ANKMY1: variants seen among roughly 807,000 people sequenced by gnomAD.
ANKMY1 encodes the protein ankyrin repeat and MYND domain-containing protein 1.
In ANKMY1, 98 loss-of-function variants were observed where a neutral mutation model predicts 102.0. The observed-to-expected ratio is 0.96, with a 90% CI of 0.82 to 1.14. ANKMY1 has a LOEUF of 1.14. ANKMY1 is among the 50% of genes most tolerant of loss of function. The probability of loss-of-function intolerance (pLI) is 0.00; values close to 1 mark genes in which losing one functional copy is unlikely to be tolerated. For synonymous variants in ANKMY1, 582 were observed against 559.9 expected, an observed-to-expected ratio of 1.04 and a Z score of -0.56; for missense variants, 1,330 against 1,347.6, an observed-to-expected ratio of 0.99 and a Z score of 0.20.
chr2:240,534,802 G>C (rs1426368508), intron 4 of ANKMY1, among the ~76,000 whole-genome samples: 1 of 151,754 alleles, frequency 6.6e-6, no homozygotes, highest in Admixed American at 6.6e-5. Flanking sequence ...GTCAAAAAAA[G>C]CATATCGGAT....
At position 240,524,329 on chromosome 2, in the gene ANKMY1, G is replaced by A; in HGVS notation, c.1388C>T (p.Thr463Ile). ...VPILSSSFMD[T>I]NLESLYYEVN... is the part of the protein sequence containing the mutation. ...CTCATAGTACAGAGACTCCAGGTTT[G>A]TGTCCATAAATGATGATGAAAGGAT... Residue 463 changes from threonine to isoleucine, a missense_variant, in exon 8 of 18, where the codon ACA (threonine) becomes ATA (isoleucine). Thr to Ile is a moderately conservative substitution (Grantham distance 89). Transcript: ENST00000401804. 6.2e-7 allele frequency: 1 copy of A among 1,612,458 alleles called. No homozygotes were observed. Among genetic ancestry groups the A allele is most frequent in the Non-Finnish European group, 8.5e-7 (1 of 1,179,182 alleles).
In ANKMY1 at chr2:240,520,599, C is replaced by A. The variant is rs1006068876; in HGVS notation, c.1833-66G>T. Reference sequence around the variant, plus strand: ...CACCTGCACTGCGCCCAGAACGGGGCCATGCCAGCGAGGAGGCTGGGGAGG... The same window carrying A: ...CACCTGCACTGCGCCCAGAACGGGGACATGCCAGCGAGGAGGCTGGGGAGG... On this transcript the variant is annotated intron_variant, in intron 8 of 17. Transcript: ENST00000401804. The surrounding 1 kb of genome is among the most constrained non-coding windows in gnomAD (Gnocchi z 4.8). 8 of 1,524,294 alleles carry A rather than the reference C, an allele frequency of 5.2e-6. No individual in the cohort carries two copies. Among genetic ancestry groups the A allele is most frequent in the Non-Finnish European group, 5.3e-6 (6 of 1,135,780 alleles). 94.4% of individuals were successfully genotyped at this position (1,524,294 alleles called of 1,614,324 possible). A position where few individuals can be genotyped will look rare whatever the true frequency, so the allele number is the denominator to read the frequency against.
At position 240,520,283 on chromosome 2, in the gene ANKMY1, A is replaced by T; in HGVS notation, c.2004+79T>A. On this transcript the variant is annotated intron_variant, in intron 9 of 17. Coordinates refer to ENST00000401804, the MANE Select transcript of ANKMY1 (RefSeq NM_001282771.3). The surrounding 1 kb of genome is among the most constrained non-coding windows in gnomAD (Gnocchi z 4.8). ...GAGCCCACCCCTCTCTTCCGCGCCTAGGTGGAGCGAGGAGCTTCCCGGCCA... is the reference window on the plus strand; with the variant it reads ...GAGCCCACCCCTCTCTTCCGCGCCTTGGTGGAGCGAGGAGCTTCCCGGCCA... 1 of 1,484,922 alleles carries T rather than the reference A, an allele frequency of 6.7e-7. No homozygotes were observed. The highest frequency in any genetic ancestry group is 2.0e-4 in the Middle Eastern group (1 of 5,038). The allele number at this position is 1,484,922 out of a possible 1,614,324, so 92.0% of individuals were successfully genotyped here.
rs772287106 is a variant in ANKMY1, at chr2:240,499,832, C to T, written c.2806+126G>A. ...ACGGGACACAAAGGGGACAAGCCGA[C>T]GAGCCCAGCCCCAGGAAGGCCCCTC... is the stretch of plus-strand genomic sequence containing the variant. On this transcript the variant is annotated intron_variant, in intron 15 of 17. Transcript: ENST00000401804. This position sits in a 1 kb window ranked among gnomAD's most constrained non-coding sequence, Gnocchi z 4.2. 1.6e-4 allele frequency: 206 copies of T among 1,266,452 alleles called. No individual in the cohort carries two copies. The highest frequency in any genetic ancestry group is 2.5e-4 in the Admixed American group (9 of 35,456). The allele number at this position is 1,266,452 out of a possible 1,614,324, so 78.5% of individuals were successfully genotyped here.
chr2:240,493,961 C>A (rs2076939383), intron 15 of ANKMY1, among the ~76,000 whole-genome samples: 1 of 152,136 alleles, frequency 6.6e-6, no homozygotes. Flanking sequence ...GGGTCCCAAA[C>A]AGTGTGTACT....
Position 240,510,934 on chromosome 2 carries a change from C to T in ANKMY1, c.2286+927G>A, listed in dbSNP as rs74001674. Among the ~76,000 whole-genome samples, 593 of 150,246 alleles carry T rather than the reference C, an allele frequency of 3.9e-3. 2 individuals carry two copies. The highest frequency in any genetic ancestry group is 0.014 in the African/African-American group (569 of 40,812). ...CGTCCTTCACGGTGGGAGCCTTGAC[C>T]AGCCGCCTTCCTGGAGCCTCACTGT... On this transcript the variant is annotated intron_variant, in intron 11 of 17. Transcript: ENST00000401804.
chr2:240,485,368 A>T (rs2075933224), intron 15 of ANKMY1, among the ~76,000 whole-genome samples: 1 of 152,080 alleles, frequency 6.6e-6, no homozygotes, highest in Non-Finnish European at 1.5e-5. Flanking sequence ...AGGAAACAAC[A>T]GATGCTGGAG....
At chr2:240,512,760 G>C in intron 10 of ANKMY1, 42 bp downstream of exon 10, 1 of 1,576,910 alleles carries the variant, frequency 6.3e-7, no homozygotes, top group Non-Finnish European at 8.6e-7. Flanking sequence ...AGGCACACCT[G>C]GCCAAGGCCC....
intron 15 of ANKMY1, among the ~76,000 whole-genome samples, chr2:240,493,455 A>G (rs2076883635): frequency 6.6e-6 from 1 of 152,014 alleles, no homozygotes; most frequent in Non-Finnish European, 1.5e-5. Context: ...CCTCTTTAAC[A>G]GTTGCTTTTT....
intron 4 of ANKMY1, among the ~76,000 whole-genome samples, chr2:240,530,945 TA>T (rs56890629): frequency 0.34 from 48,373 of 142,472 alleles, 8,180 homozygotes; most frequent in Middle Eastern, 0.6. Flanking sequence ...TAAAATAAAG[TA>T]AAAAAAAAAA....
chr2:240,549,349 T>G (rs1244000284), intron 4 of ANKMY1, among the ~76,000 whole-genome samples: 1 of 150,870 alleles, frequency 6.6e-6, no homozygotes, highest in Non-Finnish European at 1.5e-5. Flanking sequence ...CCTTACACCT[T>G]ATACAAAAAT....
Position 240,520,220 on chromosome 2 carries a change from G to A in ANKMY1, c.2004+142C>T, listed in dbSNP as rs556699985. ...GGGCTGTGGGACCCCCCACTGCGGC[G>A]CGCCGTCATCACTCACAGCCCAGGT... On this transcript the variant is annotated intron_variant, in intron 9 of 17. Transcript: ENST00000401804. This position sits in a 1 kb window ranked among gnomAD's most constrained non-coding sequence, Gnocchi z 4.8. The A allele has an allele frequency of 1.0e-5, 13 of 1,265,106 alleles. No individual in the cohort carries two copies. The highest frequency in any genetic ancestry group is 6.0e-5 in the Admixed American group (3 of 50,068). 78.4% of individuals were successfully genotyped at this position (1,265,106 alleles called of 1,614,324 possible).
intron 4 of ANKMY1, among the ~76,000 whole-genome samples, chr2:240,539,817 GA>G (rs1221866464): frequency 1.3e-5 from 2 of 152,138 alleles, no homozygotes; most frequent in Non-Finnish European, 1.5e-5. Flanking sequence ...AGACTGAATG[GA>G]CCCCTCCTGG....
At chr2:240,498,642 A>G (rs2077617065) in intron 15 of ANKMY1, among the ~76,000 whole-genome samples, 1 of 152,050 alleles carries the variant, frequency 6.6e-6, no homozygotes, top group African/African-American at 2.4e-5. Flanking sequence ...GGACACAAGC[A>G]TGCCATGTAG....
chr2:240,520,323 G>A lies in ANKMY1; in HGVS notation c.2004+39C>T. On this transcript the variant is annotated intron_variant, in intron 9 of 17. Coordinates refer to ENST00000401804, the MANE Select transcript of ANKMY1 (RefSeq NM_001282771.3). The surrounding 1 kb of genome is among the most constrained non-coding windows in gnomAD (Gnocchi z 4.8). ...CTTCCCGGCCAGTGCCCGGGAGTCT[G>A]CTGCGCTCGTCCCGGCGCCCGCCCG... The A allele has an allele frequency of 6.6e-7, 1 of 1,506,958 alleles. No homozygotes were observed. Among genetic ancestry groups the A allele is most frequent in the Non-Finnish European group, 8.9e-7 (1 of 1,122,466 alleles). The allele number at this position is 1,506,958 out of a possible 1,614,324, so 93.3% of individuals were successfully genotyped here. A position where few individuals can be genotyped will look rare whatever the true frequency, so the allele number is the denominator to read the frequency against.
At position 240,499,065 on chromosome 2, in the gene ANKMY1, T is replaced by C. The variant is rs1396886028; in HGVS notation, c.2806+893A>G. 3.3e-5 allele frequency among the ~76,000 whole-genome samples: 5 copies of C among 151,932 alleles called. No individual in the cohort carries two copies. The highest frequency in any genetic ancestry group is 7.4e-5 in the Non-Finnish European group (5 of 67,970). ...CAAACGGACTAACAGCACGTGGAAGTGTGTGGGGCGGAGCACTGTGTGCTG... is the reference window on the plus strand; with the variant it reads ...CAAACGGACTAACAGCACGTGGAAGCGTGTGGGGCGGAGCACTGTGTGCTG... On this transcript the variant is annotated intron_variant, in intron 15 of 17. Coordinates refer to ENST00000401804, the MANE Select transcript of ANKMY1 (RefSeq NM_001282771.3). This position sits in a 1 kb window ranked among gnomAD's most constrained non-coding sequence, Gnocchi z 4.2.
chr2:240,507,505 A>G (rs2079299816), intron 13 of ANKMY1, 55 bp downstream of exon 13: 1 of 1,467,056 alleles, frequency 6.8e-7, no homozygotes, highest in African/African-American at 1.5e-5. Context: ...ACTCAGGGCC[A>G]CCCCACCACC....
At chr2:240,555,132 A>G in intron 2 of ANKMY1, 77 bp from the exon 3 acceptor site, 1 of 1,438,818 alleles carries the variant, frequency 7.0e-7, no homozygotes, top group Non-Finnish European at 9.6e-7. Context: ...ACAACCCCCG[A>G]GCACAACCCA....
intron 12 of ANKMY1, among the ~76,000 whole-genome samples, chr2:240,508,004 G>A (rs557414164): frequency 6.6e-6 from 1 of 152,344 alleles, no homozygotes; most frequent in East Asian, 1.9e-4. Flanking sequence ...GTGGTTCCCA[G>A]CTCCCACCTT....
Sources: gnomAD v4.1 joint callset for allele counts (sites outside exome capture counted in the v4.1 genomes callset) on GRCh38, gnomAD v4.1.1 for gene constraint, Gnocchi (gnomAD v3.1) non-coding constraint, MANE v1.5 for transcripts, NCBI Gene and HGNC (gene_info 2026-07-23, HGNC 2026-07-21) for gene names.